Variants in SIM2 observed in about 807,000 individuals in gnomAD.
The protein encoded by SIM2 is single-minded homolog 2.
Under a neutral mutation model 64.8 loss-of-function variants are expected in SIM2, and 28 were observed. The ratio of observed to expected loss-of-function variants is 0.43; its 90% CI spans 0.32 to 0.59. The LOEUF (loss-of-function observed/expected upper bound fraction) is 0.59. Among genes scored for constraint, SIM2 ranks in the 20% least tolerant of loss-of-function variants. The probability of loss-of-function intolerance (pLI) is 0.07; values close to 1 mark genes in which losing one functional copy is unlikely to be tolerated. For missense variants in SIM2, 847 were observed against 871.4 expected (o/e 0.97, Z 0.35); for synonymous variants, 408 against 391.1 (o/e 1.04, Z -0.51).
At chr21:36,716,449 C>T (rs1367020643) in intron 3 of SIM2, among the ~76,000 whole-genome samples, 5 of 152,046 alleles carry the variant, frequency 3.3e-5, no homozygotes, top group East Asian at 3.9e-4. Context: ...ATAAACATAT[C>T]GATGATGTTG....
chr21:36,712,374 A>G (rs894287732), intron 2 of SIM2, among the ~76,000 whole-genome samples, 159 bp from the exon 3 acceptor site: 1 of 152,194 alleles, frequency 6.6e-6, no homozygotes, highest in Non-Finnish European at 1.5e-5. Context: ...GCTGTTTCCT[A>G]CAGTCCTTTT....
intron 7 of SIM2, among the ~76,000 whole-genome samples, chr21:36,735,336 GC>G (rs1258367788): frequency 1.3e-5 from 2 of 152,238 alleles, no homozygotes; most frequent in African/African-American, 2.4e-5. Flanking sequence ...TCCCTGCTGG[GC>G]CTTCATCCAG....
At chr21:36,717,040 G>A (rs1568929166) in intron 3 of SIM2, among the ~76,000 whole-genome samples, 2 of 152,096 alleles carry the variant, frequency 1.3e-5, no homozygotes, top group Non-Finnish European at 1.5e-5. Context: ...TCACTTCCTA[G>A]ACAGCTCTGG....
At chr21:36,721,322 T>C (rs1395272525) in intron 4 of SIM2, among the ~76,000 whole-genome samples, 1 of 152,224 alleles carries the variant, frequency 6.6e-6, no homozygotes, top group South Asian at 2.1e-4. Context: ...ACATCGCACC[T>C]GAATCGAATT....
In SIM2 at chr21:36,726,404, CAA is replaced by C; in HGVS notation, c.743+88_743+89del. 8.7e-7 allele frequency: 1 copy of C among 1,152,230 alleles called. No individual in the cohort carries two copies. The highest frequency in any genetic ancestry group is 1.2e-6 in the Non-Finnish European group (1 of 803,728). The allele number at this position is 1,152,230 out of a possible 1,614,324, so 71.4% of individuals were successfully genotyped here. The stretch of plus-strand genomic sequence containing the variant: ...GGTCCCTGAAAGCTGCCATCTTGGC[CAA>C]ATCATAACAAGGAATAAGTCATAAT... On this transcript the variant is annotated intron_variant, in intron 6 of 10. Coordinates refer to ENST00000290399, the MANE Select transcript of SIM2 (RefSeq NM_005069.6). The surrounding 1 kb of genome is among the most constrained non-coding windows in gnomAD (Gnocchi z 4.5).
intron 6 of SIM2, 39 bp from the exon 7 acceptor site, chr21:36,731,006 C>A: frequency 1.4e-6 from 2 of 1,428,630 alleles, no homozygotes; most frequent in South Asian, 1.1e-5. Context: ...AGGCAGTCTG[C>A]AGAGTGGCGT....
intron 3 of SIM2, among the ~76,000 whole-genome samples, chr21:36,715,240 T>C (rs905947419): frequency 6.6e-6 from 1 of 152,224 alleles, no homozygotes; most frequent in African/African-American, 2.4e-5. Context: ...CCCCTGTTCA[T>C]GATTAACTCC....
At chr21:36,729,537 G>T (rs539809360) in intron 6 of SIM2, among the ~76,000 whole-genome samples, 2 of 152,258 alleles carry the variant, frequency 1.3e-5, no homozygotes, top group South Asian at 4.2e-4. Context: ...AAGGGAAGCG[G>T]GTTAAAGAAT....
chr21:36,743,288 C>A, intron 8 of SIM2, 99 bp from the exon 9 acceptor site: 1 of 1,006,506 alleles, frequency 9.9e-7, no homozygotes, highest in Non-Finnish European at 1.5e-6. Context: ...AAAAGACACA[C>A]TGGAGCACTG....
At position 36,747,850 on chromosome 21, in the gene SIM2, GC is replaced by G. The variant is rs1443668167; in HGVS notation, c.1766del (p.Pro589ArgfsTer117). The G allele has an allele frequency of 1.2e-5, 12 of 1,037,798 alleles. No individual in the cohort carries two copies. The South Asian group carries it at 1.2e-4, about 11-fold the overall frequency. 64.3% of individuals were successfully genotyped at this position (1,037,798 alleles called of 1,614,324 possible). ...PECCAPPTPE[A>X]PGAPAQLPFV... is the part of the protein sequence containing the mutation. ...GTGCTGCGCGCCCCCGACCCCCGAG[GC>G]CCCGGGCGCGCCGGCGCAGCTGCCC... On this transcript the variant is annotated frameshift_variant, in exon 11 of 11. Transcript: ENST00000290399. LOFTEE classifies it high-confidence loss of function. This position sits in a 1 kb window ranked among gnomAD's most constrained non-coding sequence, Gnocchi z 4.5.
In SIM2 at chr21:36,699,991, G is replaced by A; in HGVS notation, c.175+70G>A. ...GCCCCGGCCCAGGCGGGAAGCGCAA[G>A]CCAGCCCGCCCAGAGGGGTTGCCGC... On this transcript the variant is annotated intron_variant, in intron 1 of 10. Transcript: ENST00000290399. This position sits in a 1 kb window ranked among gnomAD's most constrained non-coding sequence, Gnocchi z 5.6. 1 of 1,476,260 alleles carries A rather than the reference G, an allele frequency of 6.8e-7. No individual in the cohort carries two copies. The highest frequency in any genetic ancestry group is 9.1e-7 in the Non-Finnish European group (1 of 1,104,618). The allele number at this position is 1,476,260 out of a possible 1,614,324, so 91.4% of individuals were successfully genotyped here. A position where few individuals can be genotyped will look rare whatever the true frequency, so the allele number is the denominator to read the frequency against.
At chr21:36,704,477 G>A (rs1266020315) in intron 1 of SIM2, among the ~76,000 whole-genome samples, 1 of 152,260 alleles carries the variant, frequency 6.6e-6, no homozygotes, top group Non-Finnish European at 1.5e-5. Context: ...GGCGCAGAGG[G>A]GACAATCCGG....
chr21:36,702,763 G>A (rs1457269470), intron 1 of SIM2, among the ~76,000 whole-genome samples: 2 of 151,998 alleles, frequency 1.3e-5, no homozygotes. Context: ...GTGGCCCTAG[G>A]GAGGTTTTAG....
chr21:36,712,487 T>C (rs199819482), intron 2 of SIM2, 46 bp from the exon 3 acceptor site: 11 of 1,295,454 alleles, frequency 8.5e-6, no homozygotes, highest in Non-Finnish European at 1.2e-5. Context: ...GATTTAACTC[T>C]AATGTAGAAT....
At chr21:36,705,359 G>C (rs993366695) in intron 1 of SIM2, among the ~76,000 whole-genome samples, 3 of 152,226 alleles carry the variant, frequency 2.0e-5, no homozygotes, top group Non-Finnish European at 4.4e-5. Context: ...TGAGTCCTCA[G>C]ATGGCCGGCA....
chr21:36,710,957 G>C (rs1362900653), intron 2 of SIM2, among the ~76,000 whole-genome samples: 1 of 152,128 alleles, frequency 6.6e-6, no homozygotes, highest in Non-Finnish European at 1.5e-5. Flanking sequence ...CTAAGTGCTG[G>C]GGAACTTCAA....
At chr21:36,728,051 G>A (rs965902257) in intron 6 of SIM2, among the ~76,000 whole-genome samples, 25 of 152,154 alleles carry the variant, frequency 1.6e-4, no homozygotes, top group Non-Finnish European at 1.6e-4. Context: ...GGACGGCCAA[G>A]AGCGACAAAT....
Position 36,699,457 on chromosome 21 carries a change from A to C in SIM2, c.-290A>C. 10 of 217,326 alleles carry C rather than the reference A, an allele frequency of 4.6e-5. No individual in the cohort carries two copies. Among genetic ancestry groups the C allele is most frequent in the East Asian group, 2.2e-4 (2 of 9,074 alleles). The allele number at this position is 217,326 out of a possible 1,614,324, so 13.5% of individuals were successfully genotyped here. Reference sequence around the variant, plus strand: ...GAGGCAGGAGAGGCAGGAGGGAGGAAACAGGAGCGAGCAGGAACGGGGCTC... The same window carrying C: ...GAGGCAGGAGAGGCAGGAGGGAGGACACAGGAGCGAGCAGGAACGGGGCTC... On this transcript the variant is annotated 5_prime_UTR_variant, in exon 1 of 11. Transcript: ENST00000290399. The surrounding 1 kb of genome is among the most constrained non-coding windows in gnomAD (Gnocchi z 5.6).
intron 7 of SIM2, among the ~76,000 whole-genome samples, chr21:36,741,218 G>A (rs892494925): frequency 2.0e-5 from 3 of 152,166 alleles, no homozygotes; most frequent in Non-Finnish European, 4.4e-5. Context: ...GCAACAAACA[G>A]TTTCACTGTG....
Sources: allele counts gnomAD v4.1 joint callset (sites outside exome capture counted in the v4.1 genomes callset), GRCh38; gene constraint gnomAD v4.1.1; non-coding constraint Gnocchi (gnomAD v3.1); transcripts MANE v1.5; gene names NCBI Gene and HGNC (gene_info 2026-07-23, HGNC 2026-07-21).